Variants in ZBBX observed in about 807,000 individuals in gnomAD.
The protein encoded by ZBBX is zinc finger B-box domain-containing protein 1.
In ZBBX, 101 loss-of-function variants were observed where a neutral mutation model predicts 108.5. That is an observed-to-expected ratio of 0.93 (90% CI 0.79 to 1.10). The LOEUF (loss-of-function observed/expected upper bound fraction) is 1.10. Among genes scored for constraint, ZBBX ranks in the 50% least tolerant of loss-of-function variants. ZBBX has a pLI of 0.00. For synonymous variants in ZBBX, 356 were observed against 323.4 expected, an observed-to-expected ratio of 1.10 and a Z score of -1.08; for missense variants, 1,009 against 941.4, an observed-to-expected ratio of 1.07 and a Z score of -0.94.
the ZBBX span, among the ~76,000 whole-genome samples, chr3:167,218,774 A>G: frequency 1.3e-3 from 203 of 152,176 alleles, no homozygotes; most frequent in African/African-American, 4.8e-3. Flanking sequence ...TAAGTTCTCA[A>G]TTACCACTGA....
At chr3:167,402,883 CA>C (rs1748468709) in intron 1 of ZBBX, among the ~76,000 whole-genome samples, 1 of 150,714 alleles carries the variant, frequency 6.6e-6, no homozygotes, top group Admixed American at 6.6e-5. Flanking sequence ...CAAAGTAAAG[CA>C]TAGAAAAAAA....
the ZBBX span, among the ~76,000 whole-genome samples, chr3:167,208,628 A>T: frequency 6.6e-6 from 1 of 152,212 alleles, no homozygotes; most frequent in Non-Finnish European, 1.5e-5. Flanking sequence ...TGCTGATTAA[A>T]GAGCCCTTGG....
At chr3:167,296,848 C>T (rs1201065651) in intron 18 of ZBBX, among the ~76,000 whole-genome samples, 1 of 151,994 alleles carries the variant, frequency 6.6e-6, no homozygotes, top group Admixed American at 6.6e-5. Flanking sequence ...AGCTCAATGA[C>T]ATTTTTCGTA....
intron 2 of ZBBX, among the ~76,000 whole-genome samples, chr3:167,374,941 G>C (rs1351827808): frequency 1.3e-5 from 2 of 152,122 alleles, no homozygotes; most frequent in South Asian, 2.1e-4. Context: ...CACTTGCTTG[G>C]TGTGCAGGTT....
intron 20 of ZBBX, among the ~76,000 whole-genome samples, chr3:167,270,652 C>T (rs1381020194): frequency 6.6e-6 from 1 of 152,118 alleles, no homozygotes; most frequent in African/African-American, 2.4e-5. Flanking sequence ...TCTGTTGCTG[C>T]TATGGCAATA....
At chr3:167,327,743 G>A (rs1200523026) in intron 11 of ZBBX, among the ~76,000 whole-genome samples, 199 bp downstream of exon 11, 2 of 151,658 alleles carry the variant, frequency 1.3e-5, no homozygotes, top group African/African-American at 4.8e-5. Flanking sequence ...GCAAAACCCC[G>A]TCTCTACTAA....
At chr3:167,372,729 C>T (rs759676980) in intron 4 of ZBBX, 105 bp downstream of exon 4, 1 of 570,600 alleles carries the variant, frequency 1.8e-6, no homozygotes, top group Non-Finnish European at 3.1e-6. Flanking sequence ...GATAAAAATA[C>T]AGGAATGTGA....
intron 11 of ZBBX, among the ~76,000 whole-genome samples, 190 bp downstream of exon 11, chr3:167,327,752 A>G (rs1350747498): frequency 6.6e-6 from 1 of 151,918 alleles, no homozygotes; most frequent in Non-Finnish European, 1.5e-5. Context: ...CGTCTCTACT[A>G]AAAATACAAA....
Position 167,317,574 on chromosome 3 carries a change from T to C in ZBBX, c.1007A>G (p.Lys336Arg). ...HRRTPQEQLF[K>R]MLPDTFPHPH... Reference sequence around the variant, plus strand: ...ATGTGGGAACGTATCTGGTAGCATTTTAAAAAGTTGCTCTTGTGGAGTTCT... The same window carrying C: ...ATGTGGGAACGTATCTGGTAGCATTCTAAAAAGTTGCTCTTGTGGAGTTCT... Residue 336 changes from lysine to arginine, a missense_variant, in exon 13 of 22, where the codon AAA becomes AGA. Transcript: ENST00000675490. The C allele has an allele frequency of 6.2e-7, 1 of 1,610,198 alleles. No individual in the cohort carries two copies. Among genetic ancestry groups the C allele is most frequent in the Non-Finnish European group, 8.5e-7 (1 of 1,177,942 alleles).
At chr3:167,337,461 G>A (rs1426970536) in intron 9 of ZBBX, among the ~76,000 whole-genome samples, 4 of 152,264 alleles carry the variant, frequency 2.6e-5, no homozygotes, top group African/African-American at 7.2e-5. Context: ...AGAGGTTGCA[G>A]TGAGCCGAGA....
At chr3:167,255,407 C>T (rs982432557) in intron 20 of ZBBX, among the ~76,000 whole-genome samples, 6 of 151,562 alleles carry the variant, frequency 4.0e-5, no homozygotes, top group African/African-American at 9.7e-5. Flanking sequence ...GAAGAAAATG[C>T]TGGTACTAAA....
chr3:167,260,986 A>C (rs1724413311), intron 20 of ZBBX, among the ~76,000 whole-genome samples: 1 of 152,150 alleles, frequency 6.6e-6, no homozygotes, highest in Non-Finnish European at 1.5e-5. Context: ...CTAGGGCTAA[A>C]GCCTGTTGTT....
At chr3:167,360,231 A>G (rs2108540018) in intron 7 of ZBBX, among the ~76,000 whole-genome samples, 1 of 149,754 alleles carries the variant, frequency 6.7e-6, no homozygotes, top group East Asian at 1.9e-4. Context: ...TATCCTCCAG[A>G]AAAACATCTT....
chr3:167,193,201 A>G, the ZBBX span, among the ~76,000 whole-genome samples: 89,500 of 151,936 alleles, frequency 0.59, 26,595 homozygotes, highest in East Asian at 0.82. Context: ...TTTGGAATTA[A>G]ATGGCACCTT....
chr3:167,335,901 C>A (rs767077142), intron 9 of ZBBX, among the ~76,000 whole-genome samples: 7 of 151,804 alleles, frequency 4.6e-5, no homozygotes, highest in Non-Finnish European at 7.4e-5. Flanking sequence ...CCTATATAGT[C>A]CTTTTATTTT....
At chr3:167,390,077 TA>T (rs1473254006) in intron 1 of ZBBX, among the ~76,000 whole-genome samples, 1 of 152,180 alleles carries the variant, frequency 6.6e-6, no homozygotes, top group African/African-American at 2.4e-5. Flanking sequence ...AGGTTTCTTC[TA>T]GGGTTTTTAT....
At chr3:167,269,059 C>T (rs575019949) in intron 20 of ZBBX, among the ~76,000 whole-genome samples, 2 of 152,232 alleles carry the variant, frequency 1.3e-5, no homozygotes, top group East Asian at 3.9e-4. Flanking sequence ...AGAGAATGTC[C>T]CAAATTACAA....
chr3:167,191,934 T>TATATATATAGAGAGAGAGAGAGAGAGAG, the ZBBX span, among the ~76,000 whole-genome samples: 8 of 130,218 alleles, frequency 6.1e-5, no homozygotes, highest in African/African-American at 2.4e-4. Flanking sequence ...TATATATATA[T>TATATATATAGAGAGAGAGAGAGAGAGAG]AGAGCAAGTT....
chr3:167,340,473 G>A (rs1047850610), intron 9 of ZBBX, among the ~76,000 whole-genome samples: 3 of 151,934 alleles, frequency 2.0e-5, no homozygotes, highest in African/African-American at 2.4e-5. Flanking sequence ...AATGAAAAAG[G>A]TGAGCATTAT....
Sources: allele counts gnomAD v4.1 joint callset (sites outside exome capture counted in the v4.1 genomes callset), GRCh38; gene constraint gnomAD v4.1.1; transcripts MANE v1.5; gene names NCBI Gene and HGNC (gene_info 2026-07-23, HGNC 2026-07-21).